The following KIF19 variants were observed in gnomAD, a reference collection of about 807,000 sequenced individuals.
KIF19 encodes kinesin-like protein KIF19.
KIF19 carries 98 observed loss-of-function variants against 106.6 expected under a neutral mutation model. That is an observed-to-expected ratio of 0.92 (90% CI 0.78 to 1.09). The LOEUF is 1.09. Among genes scored for constraint, KIF19 ranks in the 50% least tolerant of loss-of-function variants. The pLI is 0.00. For missense variants in KIF19, 1,373 were observed against 1,414.3 expected (o/e 0.97, Z 0.47); for synonymous variants, 516 against 584.2 (o/e 0.88, Z 1.68).
chr17:74,346,350 A>T lies in KIF19; in HGVS notation c.778-28A>T. On this transcript the variant is annotated intron_variant, in intron 7 of 19. Coordinates refer to ENST00000389916, the MANE Select transcript of KIF19 (RefSeq NM_153209.4). This position sits in a 1 kb window ranked among gnomAD's most constrained non-coding sequence, Gnocchi z 4.6. ...ACCCAGTCCCCTGCCTCATCAGGCC[A>T]CACGTGTGCCCTTTGCTCGCCCCCT... 2 of 1,559,652 alleles carry T rather than the reference A, an allele frequency of 1.3e-6. No homozygotes were observed. Among genetic ancestry groups the T allele is most frequent in the Non-Finnish European group, 1.7e-6 (2 of 1,151,564 alleles).
intron 1 of KIF19, 131 bp from the exon 2 acceptor site, chr17:74,328,294 A>C: frequency 4.8e-5 from 35 of 721,660 alleles, no homozygotes; most frequent in Middle Eastern, 4.0e-4. Context: ...TGACCTAGGT[A>C]GAGTTTTACT....
chr17:74,353,875 A>T (rs872507), intron 17 of KIF19, among the ~76,000 whole-genome samples: 18,345 of 152,076 alleles, frequency 0.12, 1,166 homozygotes, highest in Admixed American at 0.14. Flanking sequence ...CTCAGTAATC[A>T]CTGTAATAGC....
intron 2 of KIF19, among the ~76,000 whole-genome samples, chr17:74,335,596 C>T (rs1294299506): frequency 6.6e-6 from 1 of 152,248 alleles, no homozygotes; most frequent in Non-Finnish European, 1.5e-5. Flanking sequence ...GAACTAAGAG[C>T]AGGGCTGGGA....
At chr17:74,348,069 C>T (rs1263677258) in intron 9 of KIF19, among the ~76,000 whole-genome samples, 170 bp downstream of exon 9, 1 of 152,234 alleles carries the variant, frequency 6.6e-6, no homozygotes, top group African/African-American at 2.4e-5. Flanking sequence ...CCAAACCCTG[C>T]TCCTCTGCCG....
chr17:74,326,641 T>A (rs1016979852), intron 1 of KIF19, among the ~76,000 whole-genome samples: 6 of 151,118 alleles, frequency 4.0e-5, no homozygotes, highest in African/African-American at 1.2e-4. Context: ...CACCCTCCCA[T>A]TGGGAGATCC....
At chr17:74,335,204 G>T (rs2054190620) in intron 2 of KIF19, among the ~76,000 whole-genome samples, 1 of 152,180 alleles carries the variant, frequency 6.6e-6, no homozygotes, top group Non-Finnish European at 1.5e-5. Context: ...CTGGCATCTA[G>T]TGGGTAGCGG....
At chr17:74,347,933 C>T (rs1177976953) in intron 9 of KIF19, 34 bp downstream of exon 9, 1 of 1,557,746 alleles carries the variant, frequency 6.4e-7, no homozygotes, top group African/African-American at 1.4e-5. Flanking sequence ...CAGGACACAC[C>T]TTCCTGGGCT....
intron 2 of KIF19, among the ~76,000 whole-genome samples, chr17:74,334,090 G>C (rs1397260125): frequency 6.6e-6 from 1 of 152,070 alleles, no homozygotes; most frequent in East Asian, 1.9e-4. Context: ...CTCCCAAAGT[G>C]CTGGGATTGC....
At chr17:74,338,849 G>A (rs1205893538) in intron 2 of KIF19, among the ~76,000 whole-genome samples, 1 of 151,874 alleles carries the variant, frequency 6.6e-6, no homozygotes, top group Non-Finnish European at 1.5e-5. Context: ...TGTGCTCACA[G>A]CTCTGCTGCC....
At position 74,354,883 on chromosome 17, in the gene KIF19, TC is replaced by T. The variant is rs1287830596; in HGVS notation, c.2809del (p.Leu937TrpfsTer93). On this transcript the variant is annotated frameshift_variant, in exon 19 of 20. Transcript: ENST00000389916. LOFTEE classifies it high-confidence loss of function. ...CRHPAPGIRH[L>X]GKVTLPLAKV... is the part of the protein sequence containing the mutation. Reference sequence around the variant, plus strand: ...GGCACCCAGCCCCTGGTATCCGGCATCTGGGAAAGGTCACGCTACCTTTGGC... The same window carrying T: ...GGCACCCAGCCCCTGGTATCCGGCATTGGGAAAGGTCACGCTACCTTTGGC... The T allele has an allele frequency of 6.4e-7, 1 of 1,570,048 alleles. No homozygotes were observed. The highest frequency in any genetic ancestry group is 2.4e-5 in the East Asian group (1 of 42,290).
rs1317956 is a variant in KIF19 at position 74,331,415 on chromosome 17, G to A, written c.120+2910G>A. On this transcript the variant is annotated intron_variant, in intron 2 of 19. Transcript: ENST00000389916. The surrounding 1 kb of genome is among the most constrained non-coding windows in gnomAD (Gnocchi z 4.1). ...GCTGGGCCACCGTGAGGGGTCCTGG[G>A]GCAGCTTTCTTTAGTCTAGGCATTG... 0.025 allele frequency among the ~76,000 whole-genome samples: 3,866 copies of A among 152,146 alleles called. 169 individuals are homozygous for A. Among genetic ancestry groups the A allele is most frequent in the African/African-American group, 0.089 (3,709 of 41,462 alleles).
In KIF19 at chr17:74,346,232, T is replaced by C; in HGVS notation, c.778-146T>C. On this transcript the variant is annotated intron_variant, in intron 7 of 19. Coordinates refer to ENST00000389916, the MANE Select transcript of KIF19 (RefSeq NM_153209.4). This position sits in a 1 kb window ranked among gnomAD's most constrained non-coding sequence, Gnocchi z 4.6. ...GGTCTCTTAACCTTCTCCAATGCCC[T>C]CAGTGGCCTTGGCAGGAGGACGGCC... 1 of 823,566 alleles carries C rather than the reference T, an allele frequency of 1.2e-6. No homozygotes were observed. Among genetic ancestry groups the C allele is most frequent in the Non-Finnish European group, 1.9e-6 (1 of 532,184 alleles). 51.0% of individuals were successfully genotyped at this position (823,566 alleles called of 1,614,324 possible). A position where few individuals can be genotyped will look rare whatever the true frequency, so the allele number is the denominator to read the frequency against.
chr17:74,340,412 ACAGGGGCAGAGG>A (rs1399011595), intron 2 of KIF19, among the ~76,000 whole-genome samples: 2 of 152,206 alleles, frequency 1.3e-5, no homozygotes, highest in Admixed American at 6.5e-5. Flanking sequence ...CACCAAGTGC[ACAGGGGCAGAGG>A]CAGGGGCAGA....
At chr17:74,340,865 T>C (rs1369405639) in intron 2 of KIF19, among the ~76,000 whole-genome samples, 1 of 152,200 alleles carries the variant, frequency 6.6e-6, no homozygotes, top group Non-Finnish European at 1.5e-5. Context: ...GGCAGGGCTG[T>C]AGCGAGGTGG....
chr17:74,355,074 C>G, intron 19 of KIF19, 108 bp from the exon 20 acceptor site: 1 of 1,538,766 alleles, frequency 6.5e-7, no homozygotes, highest in Non-Finnish European at 8.8e-7. Context: ...ACTCATGGGA[C>G]TGGCATCCTG....
In KIF19 at chr17:74,355,449, C is replaced by T. The variant is rs1373146836; in HGVS notation, c.*137C>T. 14 of 1,164,184 alleles carry T rather than the reference C, an allele frequency of 1.2e-5. No individual in the cohort carries two copies. Among genetic ancestry groups the T allele is most frequent in the East Asian group, 1.0e-4 (4 of 38,290 alleles). The allele number at this position is 1,164,184 out of a possible 1,614,324, so 72.1% of individuals were successfully genotyped here. A position where few individuals can be genotyped will look rare whatever the true frequency, so the allele number is the denominator to read the frequency against. On this transcript the variant is annotated 3_prime_UTR_variant, in exon 20 of 20. Coordinates refer to ENST00000389916, the MANE Select transcript of KIF19 (RefSeq NM_153209.4). Reference sequence around the variant, plus strand: ...CTCAGCAGGCCAGGGCTCCTGAGACCCAGGAACTGGGGTCTCTGCCCAACC... The same window carrying T: ...CTCAGCAGGCCAGGGCTCCTGAGACTCAGGAACTGGGGTCTCTGCCCAACC...
Position 74,353,304 on chromosome 17 carries a change from G to A in KIF19, c.2220+3G>A, listed in dbSNP as rs1349766320. ...TCGGCAGCCTGGTGACGCAGGAGGT[G>A]AGCTCTCAGTACCCGATGGCCCCAC... On this transcript the variant is annotated splice_donor_region_variant and intron_variant, in intron 16 of 19. Transcript: ENST00000389916. 2.6e-6 allele frequency: 4 copies of A among 1,564,556 alleles called. No homozygotes were observed. The highest frequency in any genetic ancestry group is 2.4e-5 in the East Asian group (1 of 41,890).
intron 12 of KIF19, chr17:74,351,398 A>T (rs2054698730): frequency 6.0e-6 from 1 of 165,734 alleles, no homozygotes; most frequent in Non-Finnish European, 1.3e-5. Flanking sequence ...ATGGCAGAGG[A>T]ATAAGAATCA....
At chr17:74,355,043 G>A in intron 19 of KIF19, 102 bp downstream of exon 19, 1 of 1,550,304 alleles carries the variant, frequency 6.5e-7, no homozygotes, top group Non-Finnish European at 8.8e-7. Flanking sequence ...CCCCTTGCTG[G>A]AAGCATGGTT....
Sources: allele counts gnomAD v4.1 joint callset (sites outside exome capture counted in the v4.1 genomes callset), GRCh38; gene constraint gnomAD v4.1.1; non-coding constraint Gnocchi (gnomAD v3.1); transcripts MANE v1.5; gene names NCBI Gene and HGNC (gene_info 2026-07-23, HGNC 2026-07-21).